Variants in PMFBP1 observed in about 807,000 individuals in gnomAD.
PMFBP1 encodes the protein polyamine modulated factor 1 binding protein 1.
In PMFBP1, 131 loss-of-function variants were observed where a neutral mutation model predicts 137.8. The observed-to-expected ratio is 0.95, with a 90% CI of 0.82 to 1.10. The LOEUF (loss-of-function observed/expected upper bound fraction) is 1.10, where lower values mean the gene tolerates loss of function less well. Among genes scored for constraint, PMFBP1 ranks in the 50% least tolerant of loss-of-function variants. The probability of loss-of-function intolerance (pLI) is 0.00; values close to 1 mark genes in which losing one functional copy is unlikely to be tolerated. For synonymous variants in PMFBP1, 490 were observed against 450.4 expected (o/e 1.09, Z -1.11); for missense variants, 1,199 against 1,175.4 (o/e 1.02, Z -0.29).
chr16:72,166,708 C>T (rs908070630), intron 2 of PMFBP1, among the ~76,000 whole-genome samples: 1 of 152,144 alleles, frequency 6.6e-6, no homozygotes, highest in Non-Finnish European at 1.5e-5. Context: ...TGAGCTACAC[C>T]TTAGAGTCTG....
In PMFBP1 at chr16:72,126,253, C is replaced by T. The variant is rs2042456506; in HGVS notation, c.2089-121G>A. ...CCTGTCTGCAGCAACCTGCAGAGTC[C>T]GTGTTAACACTCACATCTTCACTTC... On this transcript the variant is annotated intron_variant, in intron 14 of 20. Transcript: ENST00000237353. The T allele has an allele frequency of 2.2e-5, 23 of 1,059,108 alleles. No homozygotes were observed. The South Asian group carries it at 2.2e-4, about 10-fold the overall frequency. 65.6% of individuals were successfully genotyped at this position (1,059,108 alleles called of 1,614,324 possible).
At chr16:72,237,331 C>T in the PMFBP1 span, among the ~76,000 whole-genome samples, 20 of 152,074 alleles carry the variant, frequency 1.3e-4, no homozygotes, top group Non-Finnish European at 2.1e-4. Flanking sequence ...CATTATCCTC[C>T]TTGGCCATAT....
intron 17 of PMFBP1, among the ~76,000 whole-genome samples, chr16:72,124,451 TC>T (rs746905117): frequency 3.9e-5 from 6 of 152,138 alleles, no homozygotes; most frequent in Non-Finnish European, 7.4e-5. Flanking sequence ...TACTGTAGGG[TC>T]CAGGGCTGCC....
chr16:72,209,665 T>G, the PMFBP1 span, among the ~76,000 whole-genome samples: 1 of 152,178 alleles, frequency 6.6e-6, no homozygotes, highest in African/African-American at 2.4e-5. Flanking sequence ...GAGCATTTAT[T>G]AAGTACCCAT....
In PMFBP1 at chr16:72,119,305, C is replaced by G; in HGVS notation, c.*33G>C. ...ACTCACTGTCCTCTGAAGAAACACC[C>G]GTGGAAATGCTGCTCAGGGCTAGAT... is the stretch of plus-strand genomic sequence containing the variant. On this transcript the variant is annotated 3_prime_UTR_variant, in exon 21 of 21. Coordinates refer to ENST00000237353, the MANE Select transcript of PMFBP1 (RefSeq NM_031293.3). 1 of 1,606,962 alleles carries G rather than the reference C, an allele frequency of 6.2e-7. No individual in the cohort carries two copies. Among genetic ancestry groups the G allele is most frequent in the Non-Finnish European group, 8.5e-7 (1 of 1,173,564 alleles).
the PMFBP1 span, among the ~76,000 whole-genome samples, chr16:72,196,427 C>T: frequency 6.6e-6 from 1 of 152,128 alleles, no homozygotes; most frequent in East Asian, 1.9e-4. Context: ...GACGCTGCCT[C>T]CCCCAACCTC....
chr16:72,186,769 T>C, the PMFBP1 span, among the ~76,000 whole-genome samples: 1 of 152,186 alleles, frequency 6.6e-6, no homozygotes, highest in Admixed American at 6.5e-5. Context: ...CAGTATATTA[T>C]ATCCAAATAT....
chr16:72,245,877 C>G, the PMFBP1 span, among the ~76,000 whole-genome samples: 2 of 152,314 alleles, frequency 1.3e-5, no homozygotes, highest in East Asian at 3.9e-4. Flanking sequence ...CAGCATGACA[C>G]TCTCTATTTC....
intron 15 of PMFBP1, 130 bp downstream of exon 15, chr16:72,125,838 A>G: frequency 8.4e-7 from 1 of 1,183,686 alleles, no homozygotes; most frequent in East Asian, 2.4e-5. Context: ...CAGACATCCC[A>G]GCCCACACAA....
Position 72,128,935 on chromosome 16 carries a change from G to A in PMFBP1, c.1950+131C>T, listed in dbSNP as rs1391852729. ...GGCATTCTCGCTCCCCTCCTCGCTG[G>A]CCTTTCCCACTGTCCCTCCCGTCTT... On this transcript the variant is annotated intron_variant, in intron 13 of 20. Coordinates refer to ENST00000237353, the MANE Select transcript of PMFBP1 (RefSeq NM_031293.3). 3 of 1,503,750 alleles carry A rather than the reference G, an allele frequency of 2.0e-6. No individual in the cohort carries two copies. In the Admixed American group the frequency reaches 6.0e-5, roughly 30 times the overall value. The allele number at this position is 1,503,750 out of a possible 1,614,324, so 93.2% of individuals were successfully genotyped here.
At chr16:72,124,130 C>A (rs1410777647) in intron 17 of PMFBP1, among the ~76,000 whole-genome samples, 1 of 152,176 alleles carries the variant, frequency 6.6e-6, no homozygotes, top group Non-Finnish European at 1.5e-5. Flanking sequence ...TCCCACTTAG[C>A]CTGCCGAGTA....
chr16:72,130,261 A>G lies in PMFBP1; in HGVS notation c.1734T>C (p.Ala578=). ...KEKRQLQKTV[A]EQDMKMNDML... The stretch of plus-strand genomic sequence containing the variant: ...TGTCATTCATTTTCATATCCTGCTC[A>G]GCCACTGTCTTCTGAAGCTGCCTCT... Residue 578 remains alanine (A), a synonymous_variant, in exon 12 of 21, where the codon GCT becomes GCC. Transcript: ENST00000237353. 1 of 1,614,190 alleles carries G rather than the reference A, an allele frequency of 6.2e-7. No homozygotes were observed. Among genetic ancestry groups the G allele is most frequent in the Non-Finnish European group, 8.5e-7 (1 of 1,180,044 alleles).
chr16:72,182,404 G>A, the PMFBP1 span, among the ~76,000 whole-genome samples: 42 of 150,586 alleles, frequency 2.8e-4, no homozygotes, highest in South Asian at 1.5e-3. Flanking sequence ...GCTGAGGCAC[G>A]AGAATCACTT....
At chr16:72,158,505 T>C (rs2043014786) in intron 3 of PMFBP1, among the ~76,000 whole-genome samples, 1 of 152,068 alleles carries the variant, frequency 6.6e-6, no homozygotes, top group South Asian at 2.1e-4. Context: ...TGTGTGTACA[T>C]GCACATACAC....
At chr16:72,181,834 G>T (rs1281920765), upstream of PMFBP1, among the ~76,000 whole-genome samples, 1 of 152,160 alleles carries the variant, frequency 6.6e-6, no homozygotes, top group African/African-American at 2.4e-5. Context: ...AGAAATGATT[G>T]TTACTGATTG....
chr16:72,157,204 A>T lies in PMFBP1; in HGVS notation c.166-2745T>A, dbSNP rs1301549041. 5.4e-5 allele frequency among the ~76,000 whole-genome samples: 8 copies of T among 149,528 alleles called. 1 individual carries two copies. The highest frequency in any genetic ancestry group is 8.9e-5 in the Non-Finnish European group (6 of 67,250). On this transcript the variant is annotated intron_variant, in intron 3 of 20. Transcript: ENST00000237353. Reference sequence around the variant, plus strand: ...ATCTCAAAAAAAAAAAAAAAAAAAAAAAAAAAACCAGACAAAATCCCGACT... The same window carrying T: ...ATCTCAAAAAAAAAAAAAAAAAAAATAAAAAAACCAGACAAAATCCCGACT...
chr16:72,225,802 T>A, the PMFBP1 span, among the ~76,000 whole-genome samples: 1 of 151,440 alleles, frequency 6.6e-6, no homozygotes, highest in Admixed American at 6.6e-5. Flanking sequence ...CCTTTTCACA[T>A]AGCCCATAGA....
the PMFBP1 span, among the ~76,000 whole-genome samples, chr16:72,192,605 G>A: frequency 2.6e-5 from 4 of 152,124 alleles, no homozygotes; most frequent in Non-Finnish European, 4.4e-5. Context: ...GTTAACTGCA[G>A]GGCCGGGTGT....
chr16:72,132,189 T>A (rs1311917931), intron 10 of PMFBP1, among the ~76,000 whole-genome samples: 1 of 152,112 alleles, frequency 6.6e-6, no homozygotes, highest in Non-Finnish European at 1.5e-5. Context: ...TTTTGGATAA[T>A]CACAAAGTCA....
Sources: gnomAD v4.1 joint callset for allele counts (sites outside exome capture counted in the v4.1 genomes callset) on GRCh38, gnomAD v4.1.1 for gene constraint, MANE v1.5 for transcripts, NCBI Gene and HGNC (gene_info 2026-07-23, HGNC 2026-07-21) for gene names.